NXPE2: variants seen among roughly 807,000 people sequenced by gnomAD.
The protein encoded by NXPE2 is neurexophilin and PC-esterase domain family member 2, also known as NXPE family member 2.
A neutral mutation model predicts 34.4 loss-of-function variants in NXPE2; 34 were observed. The observed-to-expected ratio is 0.99, with a 90% CI of 0.75 to 1.31. The LOEUF is 1.31. Among genes scored for constraint, NXPE2 ranks in the 40% most tolerant of loss-of-function variants. NXPE2 has a pLI of 0.00. For missense variants in NXPE2, 649 were observed against 672.5 expected (o/e 0.97, Z 0.39); for synonymous variants, 235 against 231.3 (o/e 1.02, Z -0.15).
the NXPE2 span, among the ~76,000 whole-genome samples, chr11:114,600,473 G>A: frequency 1.5e-4 from 23 of 152,160 alleles, no homozygotes; most frequent in Admixed American, 9.2e-4. Context: ...GGCACATCAC[G>A]TCTATGGTAT....
the NXPE2 span, among the ~76,000 whole-genome samples, chr11:114,598,052 G>T: frequency 6.6e-6 from 1 of 152,062 alleles, no homozygotes; most frequent in Non-Finnish European, 1.5e-5. Flanking sequence ...TTACTTCCAA[G>T]ATACAATGGG....
chr11:114,522,595 CTAGA>C, the NXPE2 span: 1 of 1,046,948 alleles, frequency 9.6e-7, no homozygotes. Flanking sequence ...CCCACCCTAC[CTAGA>C]TAATTGCTCA....
At chr11:114,796,410 C>T in the NXPE2 span, among the ~76,000 whole-genome samples, 28 of 152,066 alleles carry the variant, frequency 1.8e-4, no homozygotes, top group Middle Eastern at 3.5e-3. Context: ...TAGCTAAAAC[C>T]TTGGAGCTTA....
chr11:114,674,115 AAACAAACAAAC>A (rs751021121), upstream of NXPE2, among the ~76,000 whole-genome samples: 107 of 107,234 alleles, frequency 1.0e-3, no homozygotes, highest in East Asian at 7.2e-3. Flanking sequence ...ACAAACAAAC[AAACAAACAAAC>A]AAGTGAACAA....
chr11:114,778,309 C>T, the NXPE2 span, among the ~76,000 whole-genome samples: 1 of 152,074 alleles, frequency 6.6e-6, no homozygotes, highest in Non-Finnish European at 1.5e-5. Context: ...TAGACAGGGT[C>T]AAAATCATGC....
At chr11:114,769,921 T>A in the NXPE2 span, among the ~76,000 whole-genome samples, 1 of 152,194 alleles carries the variant, frequency 6.6e-6, no homozygotes, top group African/African-American at 2.4e-5. Flanking sequence ...GTAACAAACC[T>A]GCACGTTCTG....
chr11:114,501,198 G>A, the NXPE2 span, among the ~76,000 whole-genome samples: 24 of 152,260 alleles, frequency 1.6e-4, no homozygotes, highest in African/African-American at 5.5e-4. Context: ...AAACAATGCA[G>A]ATTTTGGAAC....
chr11:114,551,386 T>G, the NXPE2 span: 5 of 1,374,010 alleles, frequency 3.6e-6, no homozygotes, highest in Non-Finnish European at 4.7e-6. Context: ...TGTCTACCTA[T>G]TGGATACTTC....
the NXPE2 span, among the ~76,000 whole-genome samples, chr11:114,731,859 C>T: frequency 4.6e-5 from 7 of 152,112 alleles, no homozygotes; most frequent in South Asian, 2.1e-4. Flanking sequence ...AGTATACTTT[C>T]GTATTATGTT....
At chr11:114,607,837 T>C in the NXPE2 span, among the ~76,000 whole-genome samples, 1 of 151,656 alleles carries the variant, frequency 6.6e-6, no homozygotes, top group Admixed American at 6.6e-5. Context: ...CATTGGATAA[T>C]AAGTATTGCC....
At chr11:114,569,739 C>G in the NXPE2 span, among the ~76,000 whole-genome samples, 2 of 152,106 alleles carry the variant, frequency 1.3e-5, no homozygotes, top group Admixed American at 1.3e-4. Flanking sequence ...TCCACCTCAG[C>G]CTCCAAATGA....
chr11:114,680,333 C>A (rs1287289482), intron 2 of NXPE2, among the ~76,000 whole-genome samples: 1 of 152,080 alleles, frequency 6.6e-6, no homozygotes, highest in African/African-American at 2.4e-5. Context: ...CCATTCGAGG[C>A]CCGTTTACAT....
chr11:114,749,061 A>T, the NXPE2 span, among the ~76,000 whole-genome samples: 26 of 152,216 alleles, frequency 1.7e-4, no homozygotes, highest in African/African-American at 5.1e-4. Context: ...TTCCAAATTC[A>T]TCTTGTAATT....
At chr11:114,654,823 T>C in the NXPE2 span, among the ~76,000 whole-genome samples, 4 of 152,324 alleles carry the variant, frequency 2.6e-5, no homozygotes, top group African/African-American at 9.6e-5. Flanking sequence ...TATTTTCCTT[T>C]GGATATATAC....
the NXPE2 span, among the ~76,000 whole-genome samples, chr11:114,662,293 C>G: frequency 1.3e-5 from 2 of 152,090 alleles, no homozygotes; most frequent in Non-Finnish European, 2.9e-5. Flanking sequence ...TTATAGCAGA[C>G]AGCAAAACTG....
At chr11:114,607,536 C>T in the NXPE2 span, among the ~76,000 whole-genome samples, 13 of 151,886 alleles carry the variant, frequency 8.6e-5, no homozygotes, top group East Asian at 1.9e-4. Flanking sequence ...CACTGTTACC[C>T]GGTAGATAAT....
chr11:114,575,361 GA>G, the NXPE2 span, among the ~76,000 whole-genome samples: 5 of 152,128 alleles, frequency 3.3e-5, no homozygotes, highest in East Asian at 9.7e-4. Context: ...ACAAAAGGAA[GA>G]AATAAAGGAC....
chr11:114,694,632 T>C (rs966862519), intron 2 of NXPE2, among the ~76,000 whole-genome samples: 1 of 152,222 alleles, frequency 6.6e-6, no homozygotes, highest in Admixed American at 6.5e-5. Flanking sequence ...TCTTTTTTCA[T>C]GCTTTTTCTC....
the NXPE2 span, among the ~76,000 whole-genome samples, chr11:114,614,792 G>A: frequency 1.3e-5 from 2 of 151,698 alleles, no homozygotes; most frequent in Non-Finnish European, 2.9e-5. Flanking sequence ...GTTACCTGGT[G>A]GATGATAAGT....
Sources: gnomAD v4.1 joint callset for allele counts (sites outside exome capture counted in the v4.1 genomes callset) on GRCh38, gnomAD v4.1.1 for gene constraint, MANE v1.5 for transcripts, NCBI Gene and HGNC (gene_info 2026-07-23, HGNC 2026-07-21) for gene names.